Variants in GRIK4 observed in about 807,000 individuals in gnomAD.
GRIK4 encodes the protein glutamate ionotropic receptor kainate type subunit 4.
GRIK4 carries 40 observed loss-of-function variants against 104.9 expected under a neutral mutation model. The observed-to-expected ratio is 0.38, with a 90% CI of 0.30 to 0.50. GRIK4 has a LOEUF of 0.50. Ranked by LOEUF, GRIK4 falls within the 20% of genes least tolerant of loss-of-function variation. GRIK4 has a pLI of 0.93. For missense variants in GRIK4, 1,047 were observed against 1,308.1 expected (o/e 0.80, Z 3.08); for synonymous variants, 485 against 524.9 (o/e 0.92, Z 1.04).
chr11:120,522,381 G>A (rs1414176676), intron 1 of GRIK4, among the ~76,000 whole-genome samples: 1 of 151,976 alleles, frequency 6.6e-6, no homozygotes, highest in Non-Finnish European at 1.5e-5. Context: ...GAGTGCCGTG[G>A]CGCGACCTCA....
rs181591922 is a variant in GRIK4, at chr11:120,656,811, G to C, written c.-51+3019G>C. Reference sequence around the variant, plus strand: ...GGAGGTTGCAGTGAGCCAAGATCGCGCCACTGCACTCCAGCCTGAGCGACA... The same window carrying C: ...GGAGGTTGCAGTGAGCCAAGATCGCCCCACTGCACTCCAGCCTGAGCGACA... On this transcript the variant is annotated intron_variant, in intron 2 of 20. Transcript: ENST00000527524. Among the ~76,000 whole-genome samples, 7 of 152,230 alleles carry C rather than the reference G, an allele frequency of 4.6e-5. No individual in the cohort carries two copies. In the East Asian group the frequency reaches 1.2e-3, roughly 25 times the overall value.
rs1947836601 is a variant in GRIK4, at chr11:120,524,490, C to T, written c.-159+12603C>T. 6.6e-6 allele frequency among the ~76,000 whole-genome samples: 1 copy of T among 152,202 alleles called. No homozygotes were observed. Among genetic ancestry groups the T allele is most frequent in the Admixed American group, 6.5e-5 (1 of 15,288 alleles). On this transcript the variant is annotated intron_variant, in intron 1 of 20. Coordinates refer to ENST00000527524, the MANE Select transcript of GRIK4 (RefSeq NM_014619.5). The surrounding 1 kb of genome is among the most constrained non-coding windows in gnomAD (Gnocchi z 4.5). ...TGGTTTCTCAGGTTAGTGTAGCCGG[C>T]GATGGAGCTGAACCAGTACAAAGAG...
chr11:120,525,958 C>T (rs566926974), intron 1 of GRIK4, among the ~76,000 whole-genome samples: 1 of 152,258 alleles, frequency 6.6e-6, no homozygotes, highest in Admixed American at 6.5e-5. Flanking sequence ...TGGGGAAGAG[C>T]AAATAAGATA....
chr11:120,686,352 C>T (rs1407182448), intron 3 of GRIK4, among the ~76,000 whole-genome samples: 4 of 152,218 alleles, frequency 2.6e-5, no homozygotes, highest in African/African-American at 9.6e-5. Context: ...TCAGCTTTCA[C>T]ACAAATACCT....
At chr11:120,633,101 A>C (rs1188410888) in intron 1 of GRIK4, among the ~76,000 whole-genome samples, 1 of 152,128 alleles carries the variant, frequency 6.6e-6, no homozygotes, top group Non-Finnish European at 1.5e-5. Context: ...GCAGCTGCCC[A>C]CAGAGCCACC....
At chr11:120,521,961 A>G (rs1047776435) in intron 1 of GRIK4, among the ~76,000 whole-genome samples, 1 of 152,082 alleles carries the variant, frequency 6.6e-6, no homozygotes, top group African/African-American at 2.4e-5. Context: ...CCTTCCAGGC[A>G]CTGTTCTAGA....
intron 8 of GRIK4, among the ~76,000 whole-genome samples, chr11:120,856,307 G>A (rs1025762957): frequency 2.0e-5 from 3 of 152,294 alleles, no homozygotes; most frequent in African/African-American, 7.2e-5. Context: ...GTTTCCTGAT[G>A]AGATTGCCAC....
intron 13 of GRIK4, among the ~76,000 whole-genome samples, chr11:120,927,849 T>A (rs981881216): frequency 2.6e-5 from 4 of 152,126 alleles, no homozygotes; most frequent in African/African-American, 9.7e-5. Flanking sequence ...GTAGTCATTT[T>A]AAAATATTTT....
chr11:120,855,855 G>A (rs147328932), intron 8 of GRIK4, among the ~76,000 whole-genome samples: 42 of 152,368 alleles, frequency 2.8e-4, no homozygotes, highest in African/African-American at 9.4e-4. Context: ...GAGCCACCGC[G>A]CCCGGCCTAT....
intron 3 of GRIK4, among the ~76,000 whole-genome samples, chr11:120,780,606 T>C (rs1348092572): frequency 1.3e-5 from 2 of 152,238 alleles, no homozygotes; most frequent in Non-Finnish European, 2.9e-5. Context: ...CAAATATCAA[T>C]TTGAGACCCT....
chr11:120,708,307 G>A (rs746512345), intron 3 of GRIK4, among the ~76,000 whole-genome samples: 1 of 152,156 alleles, frequency 6.6e-6, no homozygotes, highest in Non-Finnish European at 1.5e-5. Flanking sequence ...GGGTGTGGTG[G>A]TGGGGGCAGC....
intron 1 of GRIK4, among the ~76,000 whole-genome samples, chr11:120,645,566 G>A (rs1258122905): frequency 7.9e-5 from 12 of 152,080 alleles, no homozygotes; most frequent in Non-Finnish European, 1.6e-4. Flanking sequence ...TGGATCACCC[G>A]GATGGGACTT....
At chr11:120,624,740 T>C (rs11217927) in intron 1 of GRIK4, among the ~76,000 whole-genome samples, 2,332 of 152,292 alleles carry the variant, frequency 0.015, 60 homozygotes, top group African/African-American at 0.052. Context: ...TCCTCATTTC[T>C]TTCTTCCAGG....
At chr11:120,514,970 C>T (rs1457709475) in intron 1 of GRIK4, 1 of 456,584 alleles carries the variant, frequency 2.2e-6, no homozygotes, top group Non-Finnish European at 4.4e-6. Context: ...TGCCGCTGTG[C>T]CTGTCTTCTT....
intron 3 of GRIK4, among the ~76,000 whole-genome samples, chr11:120,721,294 G>T (rs147990969): frequency 1.3e-5 from 2 of 152,288 alleles, no homozygotes; most frequent in East Asian, 3.9e-4. Flanking sequence ...CATCTGGTTG[G>T]CAAGCAGACA....
intron 9 of GRIK4, chr11:120,862,377 G>C: frequency 5.1e-6 from 2 of 388,396 alleles, no homozygotes; most frequent in African/African-American, 4.1e-5. Flanking sequence ...GTCCCCTGTG[G>C]CCAGACTCTC....
At chr11:120,597,956 A>T (rs755792641) in intron 1 of GRIK4, among the ~76,000 whole-genome samples, 1 of 152,108 alleles carries the variant, frequency 6.6e-6, no homozygotes, top group Non-Finnish European at 1.5e-5. Flanking sequence ...CATTTTACTT[A>T]GAGAGTTGCT....
At chr11:120,910,326 G>T (rs185609250) in intron 13 of GRIK4, among the ~76,000 whole-genome samples, 1 of 152,222 alleles carries the variant, frequency 6.6e-6, no homozygotes, top group Non-Finnish European at 1.5e-5. Flanking sequence ...AATCATCAGA[G>T]CATGTCTTTT....
chr11:120,661,061 A>G (rs866688411), intron 3 of GRIK4, among the ~76,000 whole-genome samples: 11 of 152,190 alleles, frequency 7.2e-5, no homozygotes, highest in African/African-American at 2.2e-4. Context: ...ACTGAACAAG[A>G]CTTGTCAACT....
Sources: gnomAD v4.1 joint callset for allele counts (sites outside exome capture counted in the v4.1 genomes callset) on GRCh38, gnomAD v4.1.1 for gene constraint, Gnocchi (gnomAD v3.1) non-coding constraint, MANE v1.5 for transcripts, NCBI Gene and HGNC (gene_info 2026-07-23, HGNC 2026-07-21) for gene names.